RNGTT: variants seen among roughly 807,000 people sequenced by gnomAD.
RNGTT encodes the protein mRNA-capping enzyme.
In RNGTT, 33 loss-of-function variants were observed where a neutral mutation model predicts 79.3. That is an observed-to-expected ratio of 0.42 (90% confidence interval 0.32 to 0.56). The LOEUF (loss-of-function observed/expected upper bound fraction) is 0.56. RNGTT is among the 20% of genes least tolerant of loss of function. The pLI is 0.17. For missense variants in RNGTT, 497 were observed against 739.1 expected (o/e 0.67, Z 3.80); for synonymous variants, 222 against 235.9 (o/e 0.94, Z 0.54).
intron 11 of RNGTT, among the ~76,000 whole-genome samples, chr6:88,810,721 T>C (rs1780110913): frequency 6.6e-6 from 1 of 152,232 alleles, no homozygotes; most frequent in Non-Finnish European, 1.5e-5. Flanking sequence ...TCCTTTTCTA[T>C]ATATAAAGTA....
Position 88,810,899 on chromosome 6 carries a change from A to G in RNGTT, c.1270-9267T>C, listed in dbSNP as rs1323906718. Among the ~76,000 whole-genome samples the G allele has an allele frequency of 2.0e-5, 3 of 152,230 alleles. No individual in the cohort carries two copies. In the East Asian group the frequency reaches 5.8e-4, roughly 29 times the overall value. On this transcript the variant is annotated intron_variant, in intron 11 of 15. Coordinates refer to ENST00000369485, the MANE Select transcript of RNGTT (RefSeq NM_003800.5). ...TTCCAATGCTAGAAACCAAGCCAGC[A>G]TTAGGACATGCTAATGGGATATGAG...
chr6:88,943,026 C>T (rs1237875275), intron 1 of RNGTT, among the ~76,000 whole-genome samples: 3 of 152,194 alleles, frequency 2.0e-5, no homozygotes, highest in African/African-American at 4.8e-5. Flanking sequence ...TATGTTTTGT[C>T]TCAGGACTCA....
At chr6:88,885,118 T>TCA (rs150058750) in intron 8 of RNGTT, among the ~76,000 whole-genome samples, 2,619 of 149,134 alleles carry the variant, frequency 0.018, 37 homozygotes, top group African/African-American at 0.037. Flanking sequence ...ATGTATATAC[T>TCA]CACACACACA....
intron 13 of RNGTT, among the ~76,000 whole-genome samples, chr6:88,760,543 T>G (rs751199498): frequency 3.4e-4 from 51 of 152,168 alleles, no homozygotes; most frequent in Non-Finnish European, 6.2e-4. Context: ...AATAGCTATA[T>G]TATACATAAA....
intron 1 of RNGTT, among the ~76,000 whole-genome samples, chr6:88,949,893 T>C (rs1013956418): frequency 6.6e-6 from 1 of 152,238 alleles, no homozygotes; most frequent in African/African-American, 2.4e-5. Flanking sequence ...GATTTCAGTG[T>C]AGACAAAACA....
chr6:88,724,491 C>G (rs1410208579), intron 13 of RNGTT, among the ~76,000 whole-genome samples: 1 of 152,156 alleles, frequency 6.6e-6, no homozygotes. Flanking sequence ...GTTATACCAT[C>G]TAGGACAGTG....
At chr6:88,901,168 T>A (rs996578124) in intron 6 of RNGTT, among the ~76,000 whole-genome samples, 11 of 149,396 alleles carry the variant, frequency 7.4e-5, no homozygotes, top group South Asian at 2.1e-4. Flanking sequence ...AAAAAAAAAA[T>A]TTAAAGGCCT....
chr6:88,779,856 G>C (rs1779003430), intron 12 of RNGTT, among the ~76,000 whole-genome samples: 1 of 152,138 alleles, frequency 6.6e-6, no homozygotes, highest in African/African-American at 2.4e-5. Flanking sequence ...AGCTAGGCAT[G>C]GTGGTGCATG....
At chr6:88,812,345 C>T (rs1780165911) in intron 11 of RNGTT, among the ~76,000 whole-genome samples, 1 of 152,048 alleles carries the variant, frequency 6.6e-6, no homozygotes, top group Non-Finnish European at 1.5e-5. Context: ...TTTTGGTTGC[C>T]GTTAGTCTTA....
intron 2 of RNGTT, 105 bp from the exon 3 acceptor site, chr6:88,929,372 G>A: frequency 1.4e-6 from 1 of 693,862 alleles, no homozygotes; most frequent in South Asian, 1.9e-5. Context: ...TACATTGAGG[G>A]AGATTCTGTA....
chr6:88,640,579 G>C (rs1001137024), intron 14 of RNGTT, among the ~76,000 whole-genome samples: 15 of 138,174 alleles, frequency 1.1e-4, no homozygotes, highest in African/African-American at 4.4e-4. Context: ...AAAAAAAAAA[G>C]AGCAACAAAA....
chr6:88,846,639 G>A (rs1582536160), intron 10 of RNGTT, among the ~76,000 whole-genome samples: 1 of 151,898 alleles, frequency 6.6e-6, no homozygotes, highest in African/African-American at 2.4e-5. Flanking sequence ...ACACGCCTGT[G>A]GTCCCAGCTA....
chr6:88,787,536 G>C (rs1446854873), intron 12 of RNGTT, among the ~76,000 whole-genome samples: 3 of 152,116 alleles, frequency 2.0e-5, no homozygotes, highest in Non-Finnish European at 4.4e-5. Flanking sequence ...GTGCGGGCCT[G>C]CATTCCCAGC....
intron 14 of RNGTT, among the ~76,000 whole-genome samples, chr6:88,660,737 T>C (rs569191993): frequency 5.9e-5 from 9 of 152,234 alleles, no homozygotes; most frequent in South Asian, 4.1e-4. Context: ...CAATACTCCA[T>C]TGACAGCACT....
intron 13 of RNGTT, among the ~76,000 whole-genome samples, chr6:88,720,741 T>G (rs777735608): frequency 2.6e-5 from 4 of 152,054 alleles, no homozygotes; most frequent in Non-Finnish European, 5.9e-5. Context: ...CTACCACTTA[T>G]GCAAATACAA....
chr6:88,726,562 A>G (rs1776913834), intron 13 of RNGTT, among the ~76,000 whole-genome samples: 1 of 148,096 alleles, frequency 6.8e-6, no homozygotes, highest in African/African-American at 2.5e-5. Flanking sequence ...GTCCGACCAA[A>G]CCTAGGAGGA....
At chr6:88,650,191 G>A (rs1489608515) in intron 14 of RNGTT, among the ~76,000 whole-genome samples, 1 of 152,058 alleles carries the variant, frequency 6.6e-6, no homozygotes, top group African/African-American at 2.4e-5. Context: ...TTTTCCTTGT[G>A]TGGCTATTCC....
At chr6:88,682,210 T>C (rs1562192014) in intron 13 of RNGTT, among the ~76,000 whole-genome samples, 2 of 152,242 alleles carry the variant, frequency 1.3e-5, no homozygotes, top group Non-Finnish European at 2.9e-5. Context: ...CAAGGGATTC[T>C]TTCTAAAAAT....
At chr6:88,824,270 G>A (rs1234002129) in intron 11 of RNGTT, among the ~76,000 whole-genome samples, 1 of 152,098 alleles carries the variant, frequency 6.6e-6, no homozygotes, top group African/African-American at 2.4e-5. Flanking sequence ...ACAGCCTATT[G>A]CTCCTAGGCT....
Sources: gnomAD v4.1 joint callset for allele counts (sites outside exome capture counted in the v4.1 genomes callset) on GRCh38, gnomAD v4.1.1 for gene constraint, MANE v1.5 for transcripts, NCBI Gene and HGNC (gene_info 2026-07-23, HGNC 2026-07-21) for gene names.